RAG1: variants seen among roughly 807,000 people sequenced by gnomAD.
RAG1 encodes V(D)J recombination-activating protein 1.
Under a neutral mutation model 62.7 loss-of-function variants are expected in RAG1, and 35 were observed. That is an observed-to-expected ratio of 0.56 (90% confidence interval 0.43 to 0.74). The LOEUF is 0.74. Among genes scored for constraint, RAG1 ranks in the 30% least tolerant of loss-of-function variants. RAG1 has a pLI of 0.00. For missense variants in RAG1, 1,169 were observed against 1,278.6 expected (o/e 0.91, Z 1.31); for synonymous variants, 461 against 470.3 (o/e 0.98, Z 0.26).
rs1256794297 is a variant in RAG1 at position 36,576,352 on chromosome 11, G to T, written c.3048G>T (p.Gly1016=). The T allele has an allele frequency of 6.2e-7, 1 of 1,614,002 alleles. No individual in the cohort carries two copies. Among genetic ancestry groups the T allele is most frequent in the African/African-American group, 1.3e-5 (1 of 74,910 alleles). Residue 1016 remains glycine (G), a synonymous_variant, in exon 2 of 2, where the codon GGG becomes GGT. Coordinates refer to ENST00000299440, the MANE Select transcript of RAG1 (RefSeq NM_000448.3). The part of the protein sequence containing the change: ...MNAHNALKTS[G]FTMNPQASLG... Reference sequence around the variant, plus strand: ...CTCATAATGCATTAAAAACCTCTGGGTTTACCATGAACCCTCAGGCAAGCT... The same window carrying T: ...CTCATAATGCATTAAAAACCTCTGGTTTTACCATGAACCCTCAGGCAAGCT...
In RAG1 at chr11:36,575,989, A is replaced by T. The variant is rs1207748738; in HGVS notation, c.2685A>T (p.Val895=). ...ATCTTTACCTGAAGATGAAACCAGT[A>T]TGGCGATCATCATGCCCTGCTAAAG... ...LMDLYLKMKP[V]WRSSCPAKEC... The change falls in exon 2 of 2, where the codon GTA becomes GTT. Residue 895 remains valine (V), a synonymous_variant. Coordinates refer to ENST00000299440, the MANE Select transcript of RAG1 (RefSeq NM_000448.3). This position sits in a 1 kb window ranked among gnomAD's most constrained non-coding sequence, Gnocchi z 4.1. The T allele has an allele frequency of 6.2e-7, 1 of 1,614,220 alleles. No individual in the cohort carries two copies. The highest frequency in any genetic ancestry group is 8.5e-7 in the Non-Finnish European group (1 of 1,180,042).
At chr11:36,563,055 G>A (rs1273211358), upstream of RAG1, among the ~76,000 whole-genome samples, 1 of 152,036 alleles carries the variant, frequency 6.6e-6, no homozygotes, top group East Asian at 1.9e-4. Context: ...TTTCTTATAA[G>A]GATACCAGTA....
chr11:36,526,168 T>C (rs1860159181), intron 2 of RAG1, among the ~76,000 whole-genome samples: 1 of 152,262 alleles, frequency 6.6e-6, no homozygotes, highest in East Asian at 1.9e-4. Context: ...ATGTGCCATG[T>C]TGGTTTGCTG....
chr11:36,516,372 A>G (rs1859996251), intron 1 of RAG1, among the ~76,000 whole-genome samples: 1 of 152,200 alleles, frequency 6.6e-6, no homozygotes, highest in Admixed American at 6.5e-5. Context: ...CCCAGGCTGG[A>G]GTGCAGTGGC....
At chr11:36,548,379 T>A (rs756992014) in intron 3 of RAG1, among the ~76,000 whole-genome samples, 2 of 152,154 alleles carry the variant, frequency 1.3e-5, no homozygotes, top group Non-Finnish European at 2.9e-5. Context: ...GAAAACTCCG[T>A]CTCAGCCCAA....
At chr11:36,544,853 G>A (rs1015730455) in intron 3 of RAG1, among the ~76,000 whole-genome samples, 7 of 152,038 alleles carry the variant, frequency 4.6e-5, no homozygotes, top group East Asian at 3.9e-4. Flanking sequence ...AGTGTGTGGC[G>A]GATCCCCCCT....
In RAG1 at chr11:36,573,929, C is replaced by A. The variant is rs867348931; in HGVS notation, c.625C>A (p.Pro209Thr). Residue 209 changes from proline to threonine, a missense_variant, in exon 2 of 2, where the codon CCA becomes ACA. Physicochemically the swap from Pro to Thr is conservative, Grantham distance 38. This residue lies in a region of RAG1 where 369 missense variants were observed against 335.3 expected (regional missense o/e 1.10). Coordinates refer to ENST00000299440, the MANE Select transcript of RAG1 (RefSeq NM_000448.3). ...GACCATGGAGTGGCACCCCCACACA[C>A]CATCCTGTGACATCTGCAACACTGC... ...NVTMEWHPHT[P>T]SCDICNTARR... The A allele has an allele frequency of 6.2e-7, 1 of 1,614,144 alleles. No individual in the cohort carries two copies.
At position 36,512,626 on chromosome 11, in the gene RAG1, G is replaced by A. The variant is rs187880574; in HGVS notation, n.330+1588G>A. Among the ~76,000 whole-genome samples the A allele has an allele frequency of 5.3e-5, 8 of 152,308 alleles. No homozygotes were observed. The East Asian group carries it at 1.5e-3, about 29-fold the overall frequency. ...TTTCAGAGCTGTTATGAGTTCAAAT[G>A]AGGTCATATGGAAAGATACCTTGCA... On this transcript the variant is annotated intron_variant and non_coding_transcript_variant, in intron 1 of 2. Coordinates refer to the RAG1 transcript ENST00000529126.
rs771708758 is a variant in RAG1 at position 36,576,387 on chromosome 11, C to A, written c.3083C>A (p.Pro1028Gln). 4 of 1,614,064 alleles carry A rather than the reference C, an allele frequency of 2.5e-6. No individual in the cohort carries two copies. The East Asian group carries it at 8.9e-5, about 36-fold the overall frequency. Residue 1028 changes from proline to glutamine, a missense_variant, in exon 2 of 2, where the codon CCA becomes CAA. By Grantham distance (76) the Pro-to-Gln change is moderately conservative. This residue lies in a region of RAG1 where 800 missense variants were observed against 943.3 expected (regional missense o/e 0.85). Coordinates refer to ENST00000299440, the MANE Select transcript of RAG1 (RefSeq NM_000448.3). ...TMNPQASLGD[P>Q]LGIEDSLESQ... ...AACCCTCAGGCAAGCTTAGGGGACC[C>A]ATTAGGCATAGAGGACTCTCTGGAA...
At chr11:36,557,919 G>A (rs1489120569) in intron 3 of RAG1, among the ~76,000 whole-genome samples, 1 of 152,104 alleles carries the variant, frequency 6.6e-6, no homozygotes, top group Non-Finnish European at 1.5e-5. Context: ...TATAGTGTAA[G>A]TCTCAGGAGG....
Position 36,575,285 on chromosome 11 carries a change from A to G in RAG1, c.1981A>G (p.Met661Val). The G allele has an allele frequency of 6.2e-7, 1 of 1,614,232 alleles. No homozygotes were observed. Among genetic ancestry groups the G allele is most frequent in the Non-Finnish European group, 8.5e-7 (1 of 1,180,046 alleles). The change falls in exon 2 of 2, where the codon ATG (methionine) becomes GTG (valine). Residue 661 changes from methionine (M) to valine (V), a missense_variant. Physicochemically the swap from Met to Val is conservative, Grantham distance 21 (BLOSUM62 1). Coordinates refer to ENST00000299440, the MANE Select transcript of RAG1 (RefSeq NM_000448.3). This position sits in a 1 kb window ranked among gnomAD's most constrained non-coding sequence, Gnocchi z 4.1. ...ACTGTGTTGCAAGCCATTGTGCCTT[A>G]TGCTGGCAGATGAGTCTGACCACGA... ...SELCCKPLCL[M>V]LADESDHETL...
intron 3 of RAG1, among the ~76,000 whole-genome samples, chr11:36,562,185 G>T (rs966748963): frequency 3.9e-5 from 6 of 152,146 alleles, no homozygotes; most frequent in Non-Finnish European, 7.3e-5. Flanking sequence ...GACTGATTGG[G>T]CATGAGGATT....
Position 36,574,080 on chromosome 11 carries a change from G to C in RAG1, c.776G>C (p.Ser259Thr). The part of the protein sequence containing the change: ...HKRRAQARIS[S>T]KDVMKKIANC... ...AGAAGAGCTCAGGCAAGGATCAGCA[G>C]CAAGGATGTCATGAAGAAGATCGCC... The change falls in exon 2 of 2, where the codon AGC (serine) becomes ACC (threonine). Residue 259 changes from serine to threonine, a missense_variant. Ser to Thr is a moderately conservative substitution (Grantham distance 58). This residue lies in a region of RAG1 where 369 missense variants were observed against 335.3 expected (regional missense o/e 1.10). Transcript: ENST00000299440. 1 of 1,614,180 alleles carries C rather than the reference G, an allele frequency of 6.2e-7. No homozygotes were observed. Among genetic ancestry groups the C allele is most frequent in the South Asian group, 1.1e-5 (1 of 91,080 alleles).
chr11:36,521,204 C>T (rs1479992048), intron 2 of RAG1, among the ~76,000 whole-genome samples: 1 of 152,048 alleles, frequency 6.6e-6, no homozygotes, highest in East Asian at 1.9e-4. Flanking sequence ...CACGATCCGT[C>T]CTCCTCAGCC....
intron 2 of RAG1, among the ~76,000 whole-genome samples, chr11:36,534,388 A>C (rs1050703022): frequency 5.3e-5 from 8 of 152,188 alleles, no homozygotes; most frequent in Non-Finnish European, 1.0e-4. Flanking sequence ...TTGCTCACCA[A>C]TTATTTCTAG....
In RAG1 at chr11:36,575,575, G is replaced by A. The variant is rs777693786; in HGVS notation, c.2271G>A (p.Leu757=). 2 of 1,614,196 alleles carry A rather than the reference G, an allele frequency of 1.2e-6. No individual in the cohort carries two copies. The highest frequency in any genetic ancestry group is 1.1e-5 in the South Asian group (1 of 91,084). Residue 757 remains leucine, a synonymous_variant, in exon 2 of 2, where the codon CTG becomes CTA. Coordinates refer to ENST00000299440, the MANE Select transcript of RAG1 (RefSeq NM_000448.3). This position sits in a 1 kb window ranked among gnomAD's most constrained non-coding sequence, Gnocchi z 4.1. ...TAACCAGAAGCCATGCTGAGAACCTGGAACGTTATGAGGTCTGGCGTTCCA... is the reference window on the plus strand; with the variant it reads ...TAACCAGAAGCCATGCTGAGAACCTAGAACGTTATGAGGTCTGGCGTTCCA... The part of the protein sequence containing the change: ...HSITRSHAEN[L]ERYEVWRSNP...
At chr11:36,559,648 G>A (rs1850553852) in intron 3 of RAG1, among the ~76,000 whole-genome samples, 1 of 151,912 alleles carries the variant, frequency 6.6e-6, no homozygotes, top group African/African-American at 2.4e-5. Flanking sequence ...GCTTGATCTA[G>A]TCTGTTGTTG....
chr11:36,573,597 G>C lies in RAG1; in HGVS notation c.293G>C (p.Arg98Thr). ...AAATTTCACGACAACGAGAAAGCAA[G>C]AGGCAAAGCGATCCATCAAGCCAAC... ...SKKFHDNEKA[R>T]GKAIHQANLR... The change falls in exon 2 of 2, where the codon AGA becomes ACA. Residue 98 changes from arginine to threonine, a missense_variant. Physicochemically the swap from Arg to Thr is moderately conservative, Grantham distance 71. This residue lies in a region of RAG1 where 369 missense variants were observed against 335.3 expected (regional missense o/e 1.10). Transcript: ENST00000299440. 2 of 1,614,222 alleles carry C rather than the reference G, an allele frequency of 1.2e-6. No homozygotes were observed. The highest frequency in any genetic ancestry group is 1.7e-6 in the Non-Finnish European group (2 of 1,180,044).
intron 1 of RAG1, among the ~76,000 whole-genome samples, chr11:36,518,409 T>A (rs1191606393): frequency 6.6e-6 from 1 of 152,224 alleles, no homozygotes; most frequent in Non-Finnish European, 1.5e-5. Flanking sequence ...CCCTGAGGAA[T>A]CGCCACACTG....
Sources: allele counts gnomAD v4.1 joint callset (sites outside exome capture counted in the v4.1 genomes callset), GRCh38; gene constraint gnomAD v4.1.1; regional missense constraint gnomAD v4.1.1; non-coding constraint Gnocchi (gnomAD v3.1); transcripts MANE v1.5; gene names NCBI Gene and HGNC (gene_info 2026-07-23, HGNC 2026-07-21).